NRG1: variants seen among roughly 807,000 people sequenced by gnomAD.
NRG1 encodes the protein neuregulin 1, also known as pro-neuregulin-1, membrane-bound isoform.
A neutral mutation model predicts 63.8 loss-of-function variants in NRG1; 18 were observed. The ratio of observed to expected loss-of-function variants is 0.28; its 90% CI spans 0.19 to 0.42. The LOEUF (loss-of-function observed/expected upper bound fraction) is 0.42. NRG1 is among the 10% of genes least tolerant of loss of function. The pLI, the probability that NRG1 is intolerant of heterozygous loss-of-function variation, is 1.00. For missense variants in NRG1, 762 were observed against 814.7 expected (o/e 0.94, Z 0.79); for synonymous variants, 302 against 301.3 (o/e 1.00, Z -0.02).
At chr8:31,799,679 A>C (rs548591238) in intron 1 of NRG1, among the ~76,000 whole-genome samples, 2 of 152,146 alleles carry the variant, frequency 1.3e-5, no homozygotes, top group African/African-American at 4.8e-5. Context: ...AATGAGATAT[A>C]TCTATTAGCC....
intron 1 of NRG1, among the ~76,000 whole-genome samples, chr8:31,902,401 G>A (rs1301325936): frequency 2.0e-5 from 3 of 151,964 alleles, no homozygotes; most frequent in Non-Finnish European, 4.4e-5. Context: ...TTTGATTATT[G>A]GGTCATCTTG....
intron 1 of NRG1, among the ~76,000 whole-genome samples, chr8:32,091,069 G>A (rs1829061515): frequency 1.3e-5 from 2 of 152,162 alleles, no homozygotes; most frequent in Admixed American, 1.3e-4. Flanking sequence ...CACGAGGTCA[G>A]GAGATCGAGA....
intron 1 of NRG1, among the ~76,000 whole-genome samples, chr8:31,682,092 A>G (rs1021112197): frequency 3.9e-5 from 6 of 152,138 alleles, no homozygotes; most frequent in African/African-American, 1.4e-4. Flanking sequence ...TAAAGAGCCT[A>G]TGTGCTCTGC....
rs367744818 is a variant in NRG1, at chr8:32,221,394, T to C, written c.38-374434T>C. 2.6e-4 allele frequency among the ~76,000 whole-genome samples: 40 copies of C among 152,312 alleles called. 1 individual carries two copies. In the South Asian group the frequency reaches 7.7e-3, roughly 29 times the overall value. ...GAGAGTTAACCTCCTCCAGGTAGGG[T>C]TGAAAATATGAACAGAGCTGCTTTT... On this transcript the variant is annotated intron_variant, in intron 1 of 10. Transcript: ENST00000519301.
intron 7 of NRG1, 90 bp from the exon 8 acceptor site, chr8:32,754,282 A>G: frequency 9.7e-7 from 1 of 1,034,460 alleles, no homozygotes; most frequent in Non-Finnish European, 1.5e-6. Context: ...GAACATGGAC[A>G]ATGTCATGCA....
chr8:32,377,370 CTG>C (rs1447646598), intron 1 of NRG1, among the ~76,000 whole-genome samples: 6 of 152,174 alleles, frequency 3.9e-5, no homozygotes, highest in Admixed American at 1.3e-4. Flanking sequence ...GCTTCAGAGA[CTG>C]GGGGAAATTA....
intron 1 of NRG1, among the ~76,000 whole-genome samples, chr8:32,322,671 T>C (rs1285449209): frequency 6.6e-6 from 1 of 152,052 alleles, no homozygotes; most frequent in Non-Finnish European, 1.5e-5. Flanking sequence ...GTGATCATTA[T>C]AAAAGCCAGC....
At chr8:32,473,682 A>C (rs1824125141) in intron 1 of NRG1, among the ~76,000 whole-genome samples, 1 of 151,942 alleles carries the variant, frequency 6.6e-6, no homozygotes, top group Non-Finnish European at 1.5e-5. Context: ...GTTTTATTTT[A>C]TGTTTTTTGT....
At chr8:32,251,354 A>T (rs961936821) in intron 1 of NRG1, among the ~76,000 whole-genome samples, 2 of 150,338 alleles carry the variant, frequency 1.3e-5, no homozygotes, top group East Asian at 3.9e-4. Context: ...AATAGCTTTC[A>T]GCTTCATCCA....
Position 32,206,404 on chromosome 8 carries a change from TA to T in NRG1, c.38-389423del, listed in dbSNP as rs201966385. On this transcript the variant is annotated intron_variant, in intron 1 of 10. Coordinates refer to the NRG1 transcript ENST00000519301. ...GATTAAAAGGAAAGGAGGAAAGGCATAGAAGGGAAAAACAGAGATTATTGGA... is the reference window on the plus strand; with the variant it reads ...GATTAAAAGGAAAGGAGGAAAGGCATGAAGGGAAAAACAGAGATTATTGGA... Among the ~76,000 whole-genome samples, 86 of 152,290 alleles carry T rather than the reference TA, an allele frequency of 5.6e-4. No individual in the cohort carries two copies. The East Asian group carries it at 0.016, about 29-fold the overall frequency.
chr8:31,994,716 A>G (rs1055155345), intron 1 of NRG1, among the ~76,000 whole-genome samples: 2 of 145,178 alleles, frequency 1.4e-5, no homozygotes, highest in Non-Finnish European at 3.0e-5. Flanking sequence ...GCTGCTTGGT[A>G]ATACCTTAAA....
intron 5 of NRG1, among the ~76,000 whole-genome samples, chr8:32,659,268 C>G (rs769696516): frequency 1.3e-5 from 2 of 151,892 alleles, no homozygotes; most frequent in African/African-American, 2.4e-5. Flanking sequence ...CTCATTCTCC[C>G]GAGTGCTGGG....
chr8:32,314,759 C>T (rs558261092), intron 1 of NRG1, among the ~76,000 whole-genome samples: 1 of 152,208 alleles, frequency 6.6e-6, no homozygotes, highest in East Asian at 1.9e-4. Flanking sequence ...GAGGAAGCCC[C>T]CAGATGGGTC....
At chr8:31,913,250 A>G (rs1833094803) in intron 1 of NRG1, among the ~76,000 whole-genome samples, 1 of 152,168 alleles carries the variant, frequency 6.6e-6, no homozygotes, top group Non-Finnish European at 1.5e-5. Flanking sequence ...CAGCATATTC[A>G]TCTTCTATGT....
chr8:32,728,129 GATGATTCT>G (rs769185785), intron 6 of NRG1, 51 bp downstream of exon 6: 4 of 1,607,048 alleles, frequency 2.5e-6, no homozygotes, highest in Middle Eastern at 1.7e-4. Context: ...CCTTGTTTCA[GATGATTCT>G]ATGTCTCATG....
chr8:32,067,501 T>G (rs1327505658), intron 1 of NRG1, among the ~76,000 whole-genome samples: 3 of 152,156 alleles, frequency 2.0e-5, no homozygotes, highest in Non-Finnish European at 2.9e-5. Flanking sequence ...TTATTGATTT[T>G]TGTATGTTGA....
intron 1 of NRG1, among the ~76,000 whole-genome samples, chr8:32,341,760 T>C (rs1804110080): frequency 6.6e-6 from 1 of 152,176 alleles, no homozygotes; most frequent in African/African-American, 2.4e-5. Context: ...GACAGAAGCA[T>C]TTTAAAAGGA....
intron 1 of NRG1, among the ~76,000 whole-genome samples, chr8:31,719,106 C>T (rs948946019): frequency 5.9e-5 from 9 of 152,128 alleles, no homozygotes; most frequent in Non-Finnish European, 1.2e-4. Context: ...TTCATTTCCC[C>T]GGGTAATCTG....
chr8:31,927,378 T>A (rs1012238826), intron 1 of NRG1, among the ~76,000 whole-genome samples: 6 of 151,414 alleles, frequency 4.0e-5, no homozygotes, highest in Admixed American at 4.0e-4. Context: ...GAAATCTGAA[T>A]TTTTTTTTCC....
Sources: gnomAD v4.1 joint callset for allele counts (sites outside exome capture counted in the v4.1 genomes callset) on GRCh38, gnomAD v4.1.1 for gene constraint, MANE v1.5 for transcripts, NCBI Gene and HGNC (gene_info 2026-07-23, HGNC 2026-07-21) for gene names.